CEP295: variants seen among roughly 807,000 people sequenced by gnomAD.
CEP295 encodes the protein centrosomal protein of 295 kDa.
Under a neutral mutation model 291.6 loss-of-function variants are expected in CEP295, and 190 were observed. The ratio of observed to expected loss-of-function variants is 0.65; its 90% CI spans 0.58 to 0.73. The LOEUF (loss-of-function observed/expected upper bound fraction) is 0.73, where lower values mean the gene tolerates loss of function less well. Among genes scored for constraint, CEP295 ranks in the 30% least tolerant of loss-of-function variants. The pLI, the probability that CEP295 is intolerant of heterozygous loss-of-function variation, is 0.00. For synonymous variants in CEP295, 993 were observed against 1,038.8 expected (o/e 0.96, Z 0.85); for missense variants, 2,863 against 2,949.4 (o/e 0.97, Z 0.68).
At position 93,699,852 on chromosome 11, in the gene CEP295, T is replaced by C; in HGVS notation, c.4940T>C (p.Leu1647Pro). 1 of 1,552,210 alleles carries C rather than the reference T, an allele frequency of 6.4e-7. No individual in the cohort carries two copies. The highest frequency in any genetic ancestry group is 1.2e-5 in the South Asian group (1 of 84,064). ...GAGCATACTATCCCCTCTTTGTTTC[T>C]ACCCAAGGAAACAGAGCATTCGTTT... The part of the protein sequence containing the change: ...SAEHTIPSLF[L>P]PKETEHSFIP... The change falls in exon 15 of 30, where the codon CTA becomes CCA. Residue 1647 changes from leucine (L) to proline (P), a missense_variant. Leu to Pro is a moderately conservative substitution (Grantham distance 98). Around this residue, in one of 3 missense-constraint regions of CEP295, gnomAD observed 2,295 missense variants for 2,335.7 expected, o/e 0.98. Coordinates refer to ENST00000325212, the MANE Select transcript of CEP295 (RefSeq NM_033395.2).
chr11:93,729,266 C>A (rs116294226), intron 25 of CEP295, 168 bp from the exon 26 acceptor site: 284 of 621,468 alleles, frequency 4.6e-4, no homozygotes, highest in African/African-American at 4.3e-3. Context: ...AAAACCCAAT[C>A]CCTACAAAAA....
chr11:93,667,654 A>C lies in CEP295; in HGVS notation c.156A>C (p.Ile52=). Residue 52 remains isoleucine, a synonymous_variant, in exon 3 of 30, where the codon ATA becomes ATC. Coordinates refer to ENST00000325212, the MANE Select transcript of CEP295 (RefSeq NM_033395.2). Reference sequence around the variant, plus strand: ...TCGCCTTACAGATAAGAGAAGACATAAAACAGAGGAGAAATCAACAATTTA... The same window carrying C: ...TCGCCTTACAGATAAGAGAAGACATCAAACAGAGGAGAAATCAACAATTTA... The part of the protein sequence containing the change: ...RDIALQIRED[I]KQRRNQQFTR... 6.4e-7 allele frequency: 1 copy of C among 1,551,536 alleles called. No individual in the cohort carries two copies. Among genetic ancestry groups the C allele is most frequent in the Non-Finnish European group, 8.7e-7 (1 of 1,146,790 alleles).
chr11:93,721,863 C>T (rs780979857), intron 19 of CEP295, 91 bp from the exon 20 acceptor site: 13 of 838,378 alleles, frequency 1.6e-5, no homozygotes, highest in Non-Finnish European at 2.7e-5. Flanking sequence ...TTGACCTGAG[C>T]TCAGAAGTGA....
chr11:93,664,288 C>T (rs1232883019), intron 1 of CEP295, among the ~76,000 whole-genome samples: 5 of 152,242 alleles, frequency 3.3e-5, no homozygotes, highest in South Asian at 2.1e-4. Flanking sequence ...ATAAAATTTT[C>T]GCCACTCCAC....
chr11:93,693,804 AC>A lies in CEP295; in HGVS notation c.1534-1692del, dbSNP rs568065629. ...AAAAATTTCTCATCAATAGTCTAGA[AC>A]AGTATTGTTCAGTAGCACTTTCTGT... On this transcript the variant is annotated intron_variant, in intron 12 of 29. Coordinates refer to ENST00000325212, the MANE Select transcript of CEP295 (RefSeq NM_033395.2). Among the ~76,000 whole-genome samples the A allele has an allele frequency of 4.6e-5, 7 of 152,350 alleles. No individual in the cohort carries two copies. The East Asian group carries it at 1.3e-3, about 29-fold the overall frequency.
At chr11:93,667,372 G>C (rs936571708) in intron 2 of CEP295, among the ~76,000 whole-genome samples, 1 of 152,124 alleles carries the variant, frequency 6.6e-6, no homozygotes, top group Non-Finnish European at 1.5e-5. Flanking sequence ...TTTTGGGAGT[G>C]GGCGCTGAAT....
chr11:93,729,019 C>G, intron 25 of CEP295, 198 bp downstream of exon 25: 1 of 537,666 alleles, frequency 1.9e-6, no homozygotes, highest in Admixed American at 3.6e-5. Flanking sequence ...ATCCCCACTC[C>G]AATTTATGCC....
intron 10 of CEP295, among the ~76,000 whole-genome samples, chr11:93,688,247 A>G (rs1565451105): frequency 6.6e-6 from 1 of 152,224 alleles, no homozygotes; most frequent in African/African-American, 2.4e-5. Flanking sequence ...CAAAGGATAT[A>G]TGAGCATGTT....
At chr11:93,723,776 C>T (rs1281716744) in intron 21 of CEP295, 1 of 157,064 alleles carries the variant, frequency 6.4e-6, no homozygotes, top group Non-Finnish European at 1.4e-5. Context: ...TATACTGAAG[C>T]AGTGGTTACA....
At chr11:93,729,018 C>A (rs1259179550) in intron 25 of CEP295, 197 bp downstream of exon 25, 2 of 537,722 alleles carry the variant, frequency 3.7e-6, no homozygotes, top group Non-Finnish European at 6.5e-6. Context: ...AATCCCCACT[C>A]CAATTTATGC....
At chr11:93,718,249 A>G (rs2135282224) in intron 18 of CEP295, among the ~76,000 whole-genome samples, 1 of 152,290 alleles carries the variant, frequency 6.6e-6, no homozygotes, top group African/African-American at 2.4e-5. Context: ...TCTTGTTACT[A>G]CTATTCCATT....
Position 93,702,789 on chromosome 11 carries a change from G to A in CEP295, c.5466G>A (p.Glu1822=). Residue 1822 remains glutamate (E), a synonymous_variant, in exon 17 of 30, where the codon GAG becomes GAA. Transcript: ENST00000325212. ...TSAKQSGEHL[E]KDLGRRSSKP... ...TTGACTTAATAGGTGAGCATCTGGA[G>A]AAAGATCTGGGGAGAAGATCCTCAA... 3 of 1,551,854 alleles carry A rather than the reference G, an allele frequency of 1.9e-6. No individual in the cohort carries two copies. The highest frequency in any genetic ancestry group is 2.6e-6 in the Non-Finnish European group (3 of 1,147,026).
intron 15 of CEP295, among the ~76,000 whole-genome samples, chr11:93,700,846 TC>T (rs1401080196): frequency 3.9e-5 from 6 of 152,350 alleles, no homozygotes; most frequent in African/African-American, 9.6e-5. Flanking sequence ...GACATTGTGC[TC>T]TTTGTTGACA....
intron 23 of CEP295, 62 bp downstream of exon 23, chr11:93,725,893 G>C (rs1250714402): frequency 2.1e-6 from 3 of 1,405,244 alleles, no homozygotes; most frequent in Non-Finnish European, 2.9e-6. Context: ...CATTTCCTTA[G>C]AAATTAAGCC....
Position 93,697,719 on chromosome 11 carries a change from G to A in CEP295, c.2807G>A (p.Arg936His), listed in dbSNP as rs189027454. Residue 936 changes from arginine to histidine, a missense_variant, in exon 15 of 30, where the codon CGT becomes CAT. Physicochemically the swap from Arg to His is conservative, Grantham distance 29 (BLOSUM62 0). Transcript: ENST00000325212. ...GTGATCTCACAACTTCAGGATAAGC[G>A]TTTGAGTCTTTCACAGCCTATCCTA... ...HHVISQLQDKRLSLSQPILSQ... is the reference protein window; with the variant it reads ...HHVISQLQDKHLSLSQPILSQ... The A allele has an allele frequency of 8.6e-4, 1,332 of 1,551,578 alleles. 3 individuals carry two copies. The highest frequency in any genetic ancestry group is 8.3e-4 in the Non-Finnish European group (953 of 1,146,926).
At position 93,720,489 on chromosome 11, in the gene CEP295, A is replaced by AAAAAAAAAAG. The variant is rs34039567; in HGVS notation, c.5750-822_5750-821insAAAAAAAAGA. Among the ~76,000 whole-genome samples the AAAAAAAAAAG allele has an allele frequency of 2.1e-4, 26 of 121,324 alleles. 5 individuals are homozygous for AAAAAAAAAAG. Among genetic ancestry groups the AAAAAAAAAAG allele is most frequent in the Non-Finnish European group, 2.8e-4 (17 of 60,006 alleles). 79.6% of individuals were successfully genotyped at this position (121,324 alleles called of 152,430 possible). A position where few individuals can be genotyped will look rare whatever the true frequency, so the allele number is the denominator to read the frequency against. On this transcript the variant is annotated intron_variant, in intron 18 of 29. Coordinates refer to ENST00000325212, the MANE Select transcript of CEP295 (RefSeq NM_033395.2). ...AGTCTGCCTCAAAAAAAAAAAAAAA[A>AAAAAAAAAAG]ACTGTCTCTAAAAAAATGAAATAAA...
intron 12 of CEP295, among the ~76,000 whole-genome samples, chr11:93,692,490 T>A (rs1951613474): frequency 6.6e-6 from 1 of 152,166 alleles, no homozygotes; most frequent in East Asian, 1.9e-4. Context: ...GCGCCCTTTT[T>A]TTGCTCCGTC....
In CEP295 at chr11:93,697,342, C is replaced by G; in HGVS notation, c.2430C>G (p.Pro810=). 6.4e-7 allele frequency: 1 copy of G among 1,551,756 alleles called. No individual in the cohort carries two copies. Among genetic ancestry groups the G allele is most frequent in the Non-Finnish European group, 8.7e-7 (1 of 1,147,020 alleles). The part of the protein sequence containing the change: ...VKVESGKIQE[P]FSAMSKSTVS... Reference sequence around the variant, plus strand: ...TTGAGTCAGGAAAAATTCAAGAACCCTTTTCAGCCATGAGCAAAAGTACAG... The same window carrying G: ...TTGAGTCAGGAAAAATTCAAGAACCGTTTTCAGCCATGAGCAAAAGTACAG... Residue 810 remains proline (P), a synonymous_variant, in exon 15 of 30, where the codon CCC becomes CCG. Coordinates refer to ENST00000325212, the MANE Select transcript of CEP295 (RefSeq NM_033395.2).
At chr11:93,690,729 CAAAAAAAAAAAAAA>C (rs10608060) in intron 10 of CEP295, among the ~76,000 whole-genome samples, 1 of 68,366 alleles carries the variant, frequency 1.5e-5, no homozygotes, top group Non-Finnish European at 2.7e-5. Context: ...GACTCCGTCT[CAAAAAAAAAAAAAA>C]AAAAAAAAAA....
Sources: allele counts gnomAD v4.1 joint callset (sites outside exome capture counted in the v4.1 genomes callset), GRCh38; gene constraint gnomAD v4.1.1; regional missense constraint gnomAD v4.1.1; transcripts MANE v1.5; gene names NCBI Gene and HGNC (gene_info 2026-07-23, HGNC 2026-07-21).